VSTM1: variants seen among roughly 807,000 people sequenced by gnomAD.
VSTM1 encodes V-set and transmembrane domain containing 1.
A neutral mutation model predicts 33.1 loss-of-function variants in VSTM1; 27 were observed. That is an observed-to-expected ratio of 0.82 (90% CI 0.60 to 1.12). The LOEUF (loss-of-function observed/expected upper bound fraction) is 1.12. VSTM1 is among the 50% of genes most tolerant of loss of function. The pLI is 0.00. For synonymous variants in VSTM1, 115 were observed against 110.3 expected, an observed-to-expected ratio of 1.04 and a Z score of -0.27; for missense variants, 304 against 288.9, an observed-to-expected ratio of 1.05 and a Z score of -0.38.
rs73058793 is a variant in VSTM1 at position 54,041,932 on chromosome 19, C to T, written c.537G>A (p.Pro179=). Residue 179 remains proline, a synonymous_variant, in exon 7 of 9, where the codon CCG becomes CCA. Transcript: ENST00000338372. ...GTCCCTTACCGGCAGCCTCCTGCTC[C>T]GGAAGTTTGGAATGGCTGGTTCTGA... ...STKRTSHSKL[P]EQEAAEADLS... 0.29 allele frequency: 462,173 copies of T among 1,613,674 alleles called. 69,567 individuals are homozygous for T. The highest frequency in any genetic ancestry group is 0.31 in the Non-Finnish European group (370,008 of 1,179,808).
At chr19:54,051,310 CAAACAAACAAAT>C (rs2070830373) in intron 4 of VSTM1, 88 bp downstream of exon 4, 6 of 1,101,594 alleles carry the variant, frequency 5.4e-6, no homozygotes, top group African/African-American at 1.6e-5. Context: ...AACAAACAAA[CAAACAAACAAAT>C]AAATAAAGTT....
intron 4 of VSTM1, among the ~76,000 whole-genome samples, chr19:54,046,388 A>G (rs922408141): frequency 6.6e-6 from 1 of 152,136 alleles, no homozygotes; most frequent in Non-Finnish European, 1.5e-5. Context: ...TTGGTTAAAT[A>G]TAAGGAGGGG....
chr19:54,044,944 A>G (rs1170766933), intron 4 of VSTM1, among the ~76,000 whole-genome samples: 1 of 152,228 alleles, frequency 6.6e-6, no homozygotes, highest in African/African-American at 2.4e-5. Flanking sequence ...TAAGGAAAAA[A>G]GTTGAGCAAC....
At position 54,042,374 on chromosome 19, in the gene VSTM1, A is replaced by C; in HGVS notation, c.395-5T>G. The C allele has an allele frequency of 1.2e-6, 2 of 1,612,748 alleles. No individual in the cohort carries two copies. The highest frequency in any genetic ancestry group is 1.7e-6 in the Non-Finnish European group (2 of 1,179,624). ...CGACAAAGATGGTTCTGGTGTCTGGAGGGGGAAGAGCAGGTCAGGGAATCA... is the reference window on the plus strand; with the variant it reads ...CGACAAAGATGGTTCTGGTGTCTGGCGGGGGAAGAGCAGGTCAGGGAATCA... On this transcript the variant is annotated splice_region_variant and splice_polypyrimidine_tract_variant and intron_variant, in intron 4 of 8. Coordinates refer to ENST00000338372, the MANE Select transcript of VSTM1 (RefSeq NM_198481.4).
In VSTM1 at chr19:54,063,656, C is replaced by T; in HGVS notation, c.34+88G>A. The T allele has an allele frequency of 3.9e-6, 6 of 1,538,820 alleles. No homozygotes were observed. The South Asian group carries it at 6.9e-5, about 18-fold the overall frequency. On this transcript the variant is annotated intron_variant, in intron 1 of 8. Transcript: ENST00000338372. ...TGCAACACCTGGAAGTCATTACTTC[C>T]ACACACCGCATTTCCACCTGGACTG... is the stretch of plus-strand genomic sequence containing the variant.
chr19:54,048,176 C>T (rs768051245), intron 4 of VSTM1, among the ~76,000 whole-genome samples: 53 of 152,094 alleles, frequency 3.5e-4, no homozygotes, highest in Non-Finnish European at 5.6e-4. Context: ...AGTGCTGTGG[C>T]GCAATCACAG....
At chr19:54,056,571 GTTC>G (rs1480829319) in intron 3 of VSTM1, among the ~76,000 whole-genome samples, 1 of 139,538 alleles carries the variant, frequency 7.2e-6, no homozygotes, top group African/African-American at 2.7e-5. Context: ...CTGGTCCACA[GTTC>G]TTCCTCCTCC....
chr19:54,058,536 T>C lies in VSTM1; in HGVS notation c.125A>G (p.Glu42Gly). 4.3e-6 allele frequency: 7 copies of C among 1,613,912 alleles called. No individual in the cohort carries two copies. The highest frequency in any genetic ancestry group is 5.9e-6 in the Non-Finnish European group (7 of 1,179,982). ...HAWPSSVVEA[E>G]SNVTLKCQAH... is the part of the protein sequence containing the mutation. The stretch of plus-strand genomic sequence containing the variant: ...CTGACACTTCAGGGTCACATTGCTC[T>C]CGGCTTCAACCACCGAGCTGGGCCA... The change falls in exon 3 of 9, where the codon GAG (glutamate) becomes GGG (glycine). Residue 42 changes from glutamate (E) to glycine (G), a missense_variant. Transcript: ENST00000338372.
intron 1 of VSTM1, among the ~76,000 whole-genome samples, chr19:54,062,717 C>G (rs1334803481): frequency 1.4e-5 from 1 of 72,690 alleles, no homozygotes; most frequent in Admixed American, 1.4e-4. Flanking sequence ...AAGCAAGACT[C>G]TGTCAAAAAA....
chr19:54,059,794 C>T (rs1448873919), intron 1 of VSTM1, among the ~76,000 whole-genome samples: 1 of 150,996 alleles, frequency 6.6e-6, no homozygotes, highest in African/African-American at 2.4e-5. Flanking sequence ...TTTACCCTTG[C>T]CACTTAAATA....
chr19:54,042,818 A>ATATG (rs1555752477), intron 4 of VSTM1, among the ~76,000 whole-genome samples: 3,119 of 57,842 alleles, frequency 0.054, 92 homozygotes, highest in East Asian at 0.18. Context: ...ATATATATAT[A>ATATG]TATATATATA....
rs373211701 is a variant in VSTM1, at chr19:54,042,255, C to T, written c.487+22G>A. Reference sequence around the variant, plus strand: ...GAAAATCCTTCACTCCCCCTCTCTCCCTTTGCGTTCTCTGAGCTCACTGTG... The same window carrying T: ...GAAAATCCTTCACTCCCCCTCTCTCTCTTTGCGTTCTCTGAGCTCACTGTG... On this transcript the variant is annotated intron_variant, in intron 5 of 8. Coordinates refer to ENST00000338372, the MANE Select transcript of VSTM1 (RefSeq NM_198481.4). The T allele has an allele frequency of 5.0e-6, 8 of 1,613,754 alleles. No individual in the cohort carries two copies. In the African/African-American group the frequency reaches 1.1e-4, roughly 22 times the overall value.
Position 54,058,454 on chromosome 19 carries a change from C to CTTG in VSTM1, c.204_206dup (p.Tyr68_Lys69insAsn). 1 of 1,614,058 alleles carries CTTG rather than the reference C, an allele frequency of 6.2e-7. No individual in the cohort carries two copies. The highest frequency in any genetic ancestry group is 8.5e-7 in the Non-Finnish European group (1 of 1,180,018). On this transcript the variant is annotated inframe_insertion, in exon 3 of 9. Transcript: ENST00000338372. ...CGTTTTCTGCCGAGCTCTGTTCCTG[C>CTTG]TTGTACCCAGAGTCGTTCACCTTGC...
Position 54,063,854 on chromosome 19 carries a change from A to C in VSTM1, c.-77T>G. ...GGCGGAGCGGGACTGGGCCGGCCGC[A>C]GCTCTCCGGCTGCCCGGTTCGTCCC... On this transcript the variant is annotated 5_prime_UTR_variant, in exon 1 of 9. Transcript: ENST00000338372. The C allele has an allele frequency of 6.5e-7, 1 of 1,540,962 alleles. No homozygotes were observed. Among genetic ancestry groups the C allele is most frequent in the Non-Finnish European group, 8.8e-7 (1 of 1,131,836 alleles).
At chr19:54,048,123 A>G (rs949096118) in intron 4 of VSTM1, among the ~76,000 whole-genome samples, 5 of 151,606 alleles carry the variant, frequency 3.3e-5, no homozygotes, top group Non-Finnish European at 7.4e-5. Context: ...CTTTTATTTT[A>G]TTTATTTACT....
chr19:54,040,925 AT>A lies in VSTM1; in HGVS notation c.*35del. On this transcript the variant is annotated 3_prime_UTR_variant, in exon 9 of 9. Coordinates refer to ENST00000338372, the MANE Select transcript of VSTM1 (RefSeq NM_198481.4). ...ATTTCCGATAACCTTGGCCAGCACG[AT>A]CCCCCCTCCTTTAGTGGCCAGGGCT... 1 of 1,602,816 alleles carries A rather than the reference AT, an allele frequency of 6.2e-7. No individual in the cohort carries two copies. The highest frequency in any genetic ancestry group is 1.1e-5 in the South Asian group (1 of 90,004).
In VSTM1 at chr19:54,063,836, C is replaced by T. The variant is rs955652996; in HGVS notation, c.-59G>A. The T allele has an allele frequency of 2.5e-5, 40 of 1,591,338 alleles. No individual in the cohort carries two copies. The African/African-American group carries it at 5.0e-4, about 20-fold the overall frequency. On this transcript the variant is annotated 5_prime_UTR_variant, in exon 1 of 9. Transcript: ENST00000338372. Reference sequence around the variant, plus strand: ...TGGGTTTTACCCTTCAAAGGCGGAGCGGGACTGGGCCGGCCGCAGCTCTCC... The same window carrying T: ...TGGGTTTTACCCTTCAAAGGCGGAGTGGGACTGGGCCGGCCGCAGCTCTCC...
intron 1 of VSTM1, among the ~76,000 whole-genome samples, chr19:54,060,152 G>A (rs576328857): frequency 6.6e-6 from 1 of 152,008 alleles, no homozygotes; most frequent in South Asian, 2.1e-4. Flanking sequence ...GCGCCCGGCC[G>A]AGAGGAGGGT....
At chr19:54,062,633 A>G (rs1007778098) in intron 1 of VSTM1, among the ~76,000 whole-genome samples, 1 of 151,472 alleles carries the variant, frequency 6.6e-6, no homozygotes, top group Non-Finnish European at 1.5e-5. Flanking sequence ...CGGAGGCAGG[A>G]GAATCGCTTG....
Sources: allele counts gnomAD v4.1 joint callset (sites outside exome capture counted in the v4.1 genomes callset), GRCh38; gene constraint gnomAD v4.1.1; transcripts MANE v1.5; gene names NCBI Gene and HGNC (gene_info 2026-07-23, HGNC 2026-07-21).